The following FEV variants were observed in gnomAD, a reference collection of about 807,000 sequenced individuals.
FEV encodes protein FEV.
In FEV, 14 loss-of-function variants were observed where a neutral mutation model predicts 20.5. That is an observed-to-expected ratio of 0.68 (90% CI 0.45 to 1.07). FEV has a LOEUF of 1.07. Ranked by LOEUF, FEV falls within the 50% of genes least tolerant of loss-of-function variation. The pLI, the probability that FEV is intolerant of heterozygous loss-of-function variation, is 0.00. For missense variants in FEV, 301 were observed against 345.3 expected (o/e 0.87, Z 1.02); for synonymous variants, 188 against 163.7 (o/e 1.15, Z -1.13).
At position 218,984,491 on chromosome 2, in the gene FEV, G is replaced by C; in HGVS notation, c.53-186C>G. The C allele has an allele frequency of 2.0e-6, 1 of 512,204 alleles. No homozygotes were observed. Among genetic ancestry groups the C allele is most frequent in the Non-Finnish European group, 3.5e-6 (1 of 286,440 alleles). The allele number at this position is 512,204 out of a possible 1,614,324, so 31.7% of individuals were successfully genotyped here. A position where few individuals can be genotyped will look rare whatever the true frequency, so the allele number is the denominator to read the frequency against. ...GCGCTGCGCGGAGCCCCTCCATAGAGCCCAAGTCAGGAAACGCGTCCAGGA... is the reference window on the plus strand; with the variant it reads ...GCGCTGCGCGGAGCCCCTCCATAGACCCCAAGTCAGGAAACGCGTCCAGGA... On this transcript the variant is annotated intron_variant, in intron 1 of 2. Coordinates refer to ENST00000295727, the MANE Select transcript of FEV (RefSeq NM_017521.3). This position sits in a 1 kb window ranked among gnomAD's most constrained non-coding sequence, Gnocchi z 5.0.
In FEV at chr2:218,984,394, G is replaced by A. The variant is rs1336683075; in HGVS notation, c.53-89C>T. The stretch of plus-strand genomic sequence containing the variant: ...GGCCCCGGGCCAAGGCTTAAGGGGG[G>A]TGCTGTGGTCCCCAGGCGCGAGGCT... On this transcript the variant is annotated intron_variant, in intron 1 of 2. Coordinates refer to ENST00000295727, the MANE Select transcript of FEV (RefSeq NM_017521.3). The surrounding 1 kb of genome is among the most constrained non-coding windows in gnomAD (Gnocchi z 5.0). 7 of 1,294,516 alleles carry A rather than the reference G, an allele frequency of 5.4e-6. No individual in the cohort carries two copies. Among genetic ancestry groups the A allele is most frequent in the Non-Finnish European group, 7.4e-6 (7 of 947,130 alleles). The allele number at this position is 1,294,516 out of a possible 1,614,324, so 80.2% of individuals were successfully genotyped here.
chr2:218,984,555 T>C lies in FEV; in HGVS notation c.53-250A>G. 1 of 444,408 alleles carries C rather than the reference T, an allele frequency of 2.3e-6. No individual in the cohort carries two copies. The highest frequency in any genetic ancestry group is 3.9e-5 in the Admixed American group (1 of 25,368). The allele number at this position is 444,408 out of a possible 1,614,324, so 27.5% of individuals were successfully genotyped here. A position where few individuals can be genotyped will look rare whatever the true frequency, so the allele number is the denominator to read the frequency against. On this transcript the variant is annotated intron_variant, in intron 1 of 2. Transcript: ENST00000295727. This position sits in a 1 kb window ranked among gnomAD's most constrained non-coding sequence, Gnocchi z 5.0. ...CTTTCCGAAGGGGCCGGCTGGAGCC[T>C]TATAAAGCCGAGCGGGGAACTGCGC...
rs1450410621 is a variant in FEV at position 218,984,657 on chromosome 2, G to C, written c.53-352C>G. The stretch of plus-strand genomic sequence containing the variant: ...GAAGCTCGTAGCAGGAAGGTGAGGA[G>C]CCGTGAGAGCGCAGGGGAGACGCCC... On this transcript the variant is annotated intron_variant, in intron 1 of 2. Transcript: ENST00000295727. This position sits in a 1 kb window ranked among gnomAD's most constrained non-coding sequence, Gnocchi z 5.0. Among the ~76,000 whole-genome samples, 2 of 152,214 alleles carry C rather than the reference G, an allele frequency of 1.3e-5. No individual in the cohort carries two copies. The highest frequency in any genetic ancestry group is 6.5e-5 in the Admixed American group (1 of 15,286).
rs981308085 is a variant in FEV, at chr2:218,984,621, A to G, written c.53-316T>C. ...GCGAAGAGAAGAGGAGGGTGCCTGG[A>G]GGGCCGGCCTGAAGCTCGTAGCAGG... is the stretch of plus-strand genomic sequence containing the variant. On this transcript the variant is annotated intron_variant, in intron 1 of 2. Transcript: ENST00000295727. This position sits in a 1 kb window ranked among gnomAD's most constrained non-coding sequence, Gnocchi z 5.0. 2.0e-5 allele frequency: 8 copies of G among 395,392 alleles called. No individual in the cohort carries two copies. Among genetic ancestry groups the G allele is most frequent in the Non-Finnish European group, 3.6e-5 (8 of 220,894 alleles). 24.5% of individuals were successfully genotyped at this position (395,392 alleles called of 1,614,324 possible).
At position 218,985,041 on chromosome 2, in the gene FEV, A is replaced by T; in HGVS notation, c.35T>A (p.Ile12Asn). The T allele has an allele frequency of 1.9e-6, 3 of 1,559,822 alleles. No homozygotes were observed. The highest frequency in any genetic ancestry group is 2.6e-6 in the Non-Finnish European group (3 of 1,152,064). ...RQSGASQPLL[I>N]NMYLPDPVGD... ...CCTGGTACCTGGCAGGTACATGTTG[A>T]TCAGCAGGGGCTGGGAGGCGCCGCT... is the stretch of plus-strand genomic sequence containing the variant. Residue 12 changes from isoleucine (I) to asparagine (N), a missense_variant, in exon 1 of 3, where the codon ATC becomes AAC. Coordinates refer to ENST00000295727, the MANE Select transcript of FEV (RefSeq NM_017521.3).
rs766366402 is a variant in FEV, at chr2:218,981,971, G to A, written c.413C>T (p.Pro138Leu). The A allele has an allele frequency of 1.9e-6, 3 of 1,564,824 alleles. No homozygotes were observed. Among genetic ancestry groups the A allele is most frequent in the South Asian group, 1.2e-5 (1 of 85,566 alleles). ...GGCGGCGGCATGAGCGTGCGCGGGC[G>A]GCGGCTGGCAGGCCTGCGCCAGGCC... is the stretch of plus-strand genomic sequence containing the variant. Reference protein sequence around the residue: ...FQGLAQACQPPPAHAHAAAAA... With the variant: ...FQGLAQACQPLPAHAHAAAAA... Residue 138 changes from proline to leucine, a missense_variant, in exon 3 of 3, where the codon CCG becomes CTG. Transcript: ENST00000295727. This position sits in a 1 kb window ranked among gnomAD's most constrained non-coding sequence, Gnocchi z 4.5.
chr2:218,982,308 G>C (rs1945397656), intron 2 of FEV, 52 bp from the exon 3 acceptor site: 1 of 1,468,662 alleles, frequency 6.8e-7, no homozygotes, highest in Non-Finnish European at 9.1e-7. Flanking sequence ...GGCGGGAACT[G>C]GGGAAGAGTG....
At chr2:218,983,026 T>C (rs757104727) in intron 2 of FEV, among the ~76,000 whole-genome samples, 1 of 152,196 alleles carries the variant, frequency 6.6e-6, no homozygotes, top group Non-Finnish European at 1.5e-5. Flanking sequence ...CAGGCGGGAT[T>C]CCCTGCCTAC....
Position 218,985,137 on chromosome 2 carries a change from T to C in FEV, c.-62A>G. 7.8e-7 allele frequency: 1 copy of C among 1,288,002 alleles called. No individual in the cohort carries two copies. The highest frequency in any genetic ancestry group is 1.1e-6 in the Non-Finnish European group (1 of 945,000). The allele number at this position is 1,288,002 out of a possible 1,614,324, so 79.8% of individuals were successfully genotyped here. On this transcript the variant is annotated 5_prime_UTR_variant, in exon 1 of 3. Transcript: ENST00000295727. ...CGGGGAAGGGGGGCGAGGCAGGCTT[T>C]GCGCTCGGTGGCACCGATCCCCGCC... is the stretch of plus-strand genomic sequence containing the variant.
Position 218,985,118 on chromosome 2 carries a change from A to T in FEV, c.-43T>A. 60 of 1,039,890 alleles carry T rather than the reference A, an allele frequency of 5.8e-5. No homozygotes were observed. The highest frequency in any genetic ancestry group is 2.5e-4 in the Middle Eastern group (1 of 4,040). 64.4% of individuals were successfully genotyped at this position (1,039,890 alleles called of 1,614,324 possible). ...CGGTGGGAGATGGGGGGGACGGGGA[A>T]GGGGGGCGAGGCAGGCTTTGCGCTC... On this transcript the variant is annotated 5_prime_UTR_variant, in exon 1 of 3. Transcript: ENST00000295727.
rs988766581 is a variant in FEV, at chr2:218,981,546, T to G, written c.*121A>C. 1.3e-6 allele frequency: 1 copy of G among 747,050 alleles called. No individual in the cohort carries two copies. The highest frequency in any genetic ancestry group is 1.8e-6 in the Non-Finnish European group (1 of 545,668). The allele number at this position is 747,050 out of a possible 1,614,324, so 46.3% of individuals were successfully genotyped here. A position where few individuals can be genotyped will look rare whatever the true frequency, so the allele number is the denominator to read the frequency against. On this transcript the variant is annotated 3_prime_UTR_variant, in exon 3 of 3. Coordinates refer to ENST00000295727, the MANE Select transcript of FEV (RefSeq NM_017521.3). This position sits in a 1 kb window ranked among gnomAD's most constrained non-coding sequence, Gnocchi z 4.5. Reference sequence around the variant, plus strand: ...CCGTCCCCCTGCTAAGTGCGGCAGGTGGAGTAAACTCTGGATTAGAGGACG... The same window carrying G: ...CCGTCCCCCTGCTAAGTGCGGCAGGGGGAGTAAACTCTGGATTAGAGGACG...
intron 2 of FEV, among the ~76,000 whole-genome samples, chr2:218,983,088 G>A (rs1489954114): frequency 6.6e-6 from 1 of 152,170 alleles, no homozygotes; most frequent in Non-Finnish European, 1.5e-5. Flanking sequence ...GAGGGGAACG[G>A]ACCGAGCAGC....
At chr2:218,983,832 A>G (rs1371223177) in intron 2 of FEV, among the ~76,000 whole-genome samples, 1 of 152,206 alleles carries the variant, frequency 6.6e-6, no homozygotes, top group Non-Finnish European at 1.5e-5. Flanking sequence ...AGGTGGCAGT[A>G]GCCAGGGTCT....
Position 218,984,204 on chromosome 2 carries a change from C to T in FEV, c.127+27G>A, listed in dbSNP as rs770029237. On this transcript the variant is annotated intron_variant, in intron 2 of 2. Transcript: ENST00000295727. This position sits in a 1 kb window ranked among gnomAD's most constrained non-coding sequence, Gnocchi z 5.0. ...CCCTGACCCCAACCAACCTCGCCTC[C>T]GCCGCCCAGCGCGCCGGCCATCTCA... 1.1e-5 allele frequency: 18 copies of T among 1,566,730 alleles called. No individual in the cohort carries two copies. The Admixed American group carries it at 2.2e-4, about 19-fold the overall frequency.
intron 2 of FEV, 148 bp from the exon 3 acceptor site, chr2:218,982,404 A>G: frequency 4.0e-6 from 3 of 748,612 alleles, no homozygotes; most frequent in Non-Finnish European, 6.4e-6. Flanking sequence ...TCGGCGGGAG[A>G]GGCCGGCCCC....
intron 2 of FEV, among the ~76,000 whole-genome samples, chr2:218,982,784 T>C (rs1945403045): frequency 6.6e-6 from 1 of 152,220 alleles, no homozygotes; most frequent in African/African-American, 2.4e-5. Context: ...CAACCACTGC[T>C]GGACAAGGCC....
rs538897883 is a variant in FEV at position 218,984,224 on chromosome 2, A to G, written c.127+7T>C. The G allele has an allele frequency of 2.5e-6, 4 of 1,589,700 alleles. No homozygotes were observed. The highest frequency in any genetic ancestry group is 1.1e-5 in the South Asian group (1 of 87,266). On this transcript the variant is annotated splice_region_variant and intron_variant, in intron 2 of 2. Coordinates refer to ENST00000295727, the MANE Select transcript of FEV (RefSeq NM_017521.3). This position sits in a 1 kb window ranked among gnomAD's most constrained non-coding sequence, Gnocchi z 5.0. Reference sequence around the variant, plus strand: ...GCCTCCGCCGCCCAGCGCGCCGGCCATCTCACCTTTCTGAACCGCGGGGCT... The same window carrying G: ...GCCTCCGCCGCCCAGCGCGCCGGCCGTCTCACCTTTCTGAACCGCGGGGCT...
In FEV at chr2:218,981,689, T is replaced by C; in HGVS notation, c.695A>G (p.His232Arg). The C allele has an allele frequency of 7.5e-7, 1 of 1,341,602 alleles. No individual in the cohort carries two copies. The highest frequency in any genetic ancestry group is 1.5e-5 in the African/African-American group (1 of 65,660). 83.1% of individuals were successfully genotyped at this position (1,341,602 alleles called of 1,614,324 possible). A position where few individuals can be genotyped will look rare whatever the true frequency, so the allele number is the denominator to read the frequency against. ...GPFGAVAAAS[H>R]LGGHYH ...CGTCTAGTGGTAATGGCCCCCCAAG[T>C]GCGAGGCTGCGGCCACGGCCCCGAA... is the stretch of plus-strand genomic sequence containing the variant. Residue 232 changes from histidine (H) to arginine (R), a missense_variant, in exon 3 of 3, where the codon CAC becomes CGC. Transcript: ENST00000295727. The surrounding 1 kb of genome is among the most constrained non-coding windows in gnomAD (Gnocchi z 4.5).
Position 218,982,006 on chromosome 2 carries a change from G to T in FEV, c.378C>A (p.Phe126Leu). 1 of 1,611,412 alleles carries T rather than the reference G, an allele frequency of 6.2e-7. No individual in the cohort carries two copies. The highest frequency in any genetic ancestry group is 8.5e-7 in the Non-Finnish European group (1 of 1,179,060). Residue 126 changes from phenylalanine (F) to leucine (L), a missense_variant, in exon 3 of 3, where the codon TTC (phenylalanine) becomes TTA (leucine). Phe to Leu is a conservative substitution (Grantham distance 22). Transcript: ENST00000295727. The stretch of plus-strand genomic sequence containing the variant: ...AGGCCTGCGCCAGGCCCTGGAAGTC[G>T]AAGCGGTAGGCGTAGCGCTTGCCAT... ...KVHGKRYAYR[F>L]DFQGLAQACQ...
Sources: allele counts gnomAD v4.1 joint callset (sites outside exome capture counted in the v4.1 genomes callset), GRCh38; gene constraint gnomAD v4.1.1; non-coding constraint Gnocchi (gnomAD v3.1); transcripts MANE v1.5; gene names NCBI Gene and HGNC (gene_info 2026-07-23, HGNC 2026-07-21).